GALNT13: variants seen among roughly 807,000 people sequenced by gnomAD.
The protein encoded by GALNT13 is UDP-GalNAc:polypeptide N-acetylgalactosaminyltransferase 13.
Under a neutral mutation model 64.2 loss-of-function variants are expected in GALNT13, and 28 were observed. The ratio of observed to expected loss-of-function variants is 0.44; its 90% CI spans 0.32 to 0.60. GALNT13 has a LOEUF of 0.60. Among genes scored for constraint, GALNT13 ranks in the 20% least tolerant of loss-of-function variants. The pLI is 0.05. For synonymous variants in GALNT13, 214 were observed against 224.6 expected (o/e 0.95, Z 0.42); for missense variants, 577 against 669.8 (o/e 0.86, Z 1.53).
At chr2:153,935,205 T>C (rs981252780) in intron 2 of GALNT13, among the ~76,000 whole-genome samples, 4 of 152,152 alleles carry the variant, frequency 2.6e-5, no homozygotes, top group Non-Finnish European at 5.9e-5. Context: ...CAAACTGTGG[T>C]AGTCTAAGAA....
At chr2:154,198,746 G>A (rs1687014790) in intron 4 of GALNT13, among the ~76,000 whole-genome samples, 1 of 151,916 alleles carries the variant, frequency 6.6e-6, no homozygotes. Context: ...TTAGAATATG[G>A]GTAGGAGGGA....
chr2:153,632,622 A>G, the GALNT13 span, among the ~76,000 whole-genome samples: 1 of 152,226 alleles, frequency 6.6e-6, no homozygotes, highest in African/African-American at 2.4e-5. Flanking sequence ...AAAATAAAAC[A>G]TATAGGATAC....
the GALNT13 span, among the ~76,000 whole-genome samples, chr2:153,164,330 G>A: frequency 1.3e-5 from 2 of 152,014 alleles, no homozygotes; most frequent in Admixed American, 6.5e-5. Flanking sequence ...TTTTTTAAAC[G>A]AGTGAGAACA....
At chr2:153,484,091 T>A in the GALNT13 span, among the ~76,000 whole-genome samples, 2 of 152,292 alleles carry the variant, frequency 1.3e-5, no homozygotes, top group South Asian at 4.1e-4. Context: ...TTGAGATAAA[T>A]ATTTACATTT....
At chr2:153,758,409 A>T in the GALNT13 span, among the ~76,000 whole-genome samples, 1 of 151,526 alleles carries the variant, frequency 6.6e-6, no homozygotes, top group Non-Finnish European at 1.5e-5. Flanking sequence ...ATATATTTTG[A>T]ATTCAGATAG....
At chr2:153,585,840 A>AATAAAGGAGAAATATTAAGTATC in the GALNT13 span, among the ~76,000 whole-genome samples, 3 of 152,164 alleles carry the variant, frequency 2.0e-5, no homozygotes, top group Non-Finnish European at 4.4e-5. Flanking sequence ...AAGTATCATA[A>AATAAAGGAGAAATATTAAGTATC]ATAAAGGAGA....
At chr2:153,472,473 C>A in the GALNT13 span, among the ~76,000 whole-genome samples, 1 of 152,054 alleles carries the variant, frequency 6.6e-6, no homozygotes, top group Admixed American at 6.6e-5. Context: ...GGAAAGGAAT[C>A]ATGTCATTTT....
chr2:153,239,003 T>G, the GALNT13 span, among the ~76,000 whole-genome samples: 2 of 152,130 alleles, frequency 1.3e-5, no homozygotes, highest in Non-Finnish European at 2.9e-5. Flanking sequence ...TTTTTTAGTG[T>G]CCTGTTCAAT....
At chr2:153,519,019 A>G in the GALNT13 span, among the ~76,000 whole-genome samples, 1 of 152,148 alleles carries the variant, frequency 6.6e-6, no homozygotes, top group Non-Finnish European at 1.5e-5. Flanking sequence ...TCTGCTAATT[A>G]TGTCATTCTA....
chr2:154,154,134 A>T (rs902262446), intron 4 of GALNT13, among the ~76,000 whole-genome samples: 1 of 152,192 alleles, frequency 6.6e-6, no homozygotes, highest in African/African-American at 2.4e-5. Context: ...TTTTTGTTCC[A>T]TGTGACTTAA....
chr2:153,828,082 C>G, the GALNT13 span, among the ~76,000 whole-genome samples: 1 of 152,212 alleles, frequency 6.6e-6, no homozygotes, highest in East Asian at 1.9e-4. Context: ...TTGGGAAGCC[C>G]CACTGCTGTC....
At chr2:153,901,585 G>C (rs558877390) in intron 2 of GALNT13, among the ~76,000 whole-genome samples, 27 of 152,130 alleles carry the variant, frequency 1.8e-4, no homozygotes, top group African/African-American at 4.8e-4. Context: ...GTGGGATTGT[G>C]TTCTCGTTTT....
the GALNT13 span, among the ~76,000 whole-genome samples, chr2:153,519,071 T>C: frequency 6.6e-6 from 1 of 152,174 alleles, no homozygotes; most frequent in South Asian, 2.1e-4. Context: ...AAGAAGTTAA[T>C]GGGTAAGTCT....
At chr2:153,671,282 T>G in the GALNT13 span, among the ~76,000 whole-genome samples, 16 of 152,090 alleles carry the variant, frequency 1.1e-4, no homozygotes, top group East Asian at 3.1e-3. Flanking sequence ...AAGGAAAAAA[T>G]GTTAAGTGCA....
chr2:154,275,145 A>G (rs1691573567), intron 8 of GALNT13, among the ~76,000 whole-genome samples: 1 of 152,204 alleles, frequency 6.6e-6, no homozygotes, highest in African/African-American at 2.4e-5. Flanking sequence ...AAAAGTTTGG[A>G]AAATTTGCAG....
intron 9 of GALNT13, among the ~76,000 whole-genome samples, chr2:154,323,558 G>T (rs1694731718): frequency 6.6e-6 from 1 of 151,996 alleles, no homozygotes. Context: ...AGCATGAATG[G>T]CATTGAGTTA....
At chr2:153,843,334 C>A in the GALNT13 span, among the ~76,000 whole-genome samples, 1 of 152,270 alleles carries the variant, frequency 6.6e-6, no homozygotes, top group African/African-American at 2.4e-5. Flanking sequence ...TGGAGAGTGC[C>A]ACACACTTTT....
the GALNT13 span, among the ~76,000 whole-genome samples, chr2:153,380,282 T>C: frequency 1.3e-5 from 2 of 152,110 alleles, no homozygotes; most frequent in Non-Finnish European, 2.9e-5. Context: ...TTACATTGTG[T>C]TAGGTACTAT....
the GALNT13 span, among the ~76,000 whole-genome samples, chr2:153,626,410 T>C: frequency 6.6e-6 from 1 of 152,068 alleles, no homozygotes; most frequent in Non-Finnish European, 1.5e-5. Flanking sequence ...AAATGCAGGA[T>C]TTCTGGATGC....
Sources: allele counts gnomAD v4.1 joint callset (sites outside exome capture counted in the v4.1 genomes callset), GRCh38; gene constraint gnomAD v4.1.1; transcripts MANE v1.5; gene names NCBI Gene and HGNC (gene_info 2026-07-23, HGNC 2026-07-21).